Variants in PDE4D observed in about 807,000 individuals in gnomAD.
The protein encoded by PDE4D is phosphodiesterase 4D, also known as 3',5'-cyclic-AMP phosphodiesterase 4D.
PDE4D carries 24 observed loss-of-function variants against 87.4 expected under a neutral mutation model. The ratio of observed to expected loss-of-function variants is 0.27; its 90% CI spans 0.20 to 0.39. The LOEUF (loss-of-function observed/expected upper bound fraction) is 0.39. Ranked by LOEUF, PDE4D falls within the 10% of genes least tolerant of loss-of-function variation. PDE4D has a pLI of 1.00. For synonymous variants in PDE4D, 384 were observed against 383.2 expected (o/e 1.00, Z -0.02); for missense variants, 714 against 1,041.0 (o/e 0.69, Z 4.32).
At chr5:60,249,368 A>G (rs1160303841) in intron 1 of PDE4D, among the ~76,000 whole-genome samples, 1 of 152,078 alleles carries the variant, frequency 6.6e-6, no homozygotes, top group Non-Finnish European at 1.5e-5. Context: ...CATGACAGAA[A>G]CTCAGTTTTC....
At chr5:59,628,755 CTGTG>C (rs917250841) in intron 1 of PDE4D, among the ~76,000 whole-genome samples, 1 of 152,128 alleles carries the variant, frequency 6.6e-6, no homozygotes, top group African/African-American at 2.4e-5. Context: ...GGGCAAGGGA[CTGTG>C]TGTGCTAGGA....
intron 2 of PDE4D, among the ~76,000 whole-genome samples, chr5:60,008,037 C>T (rs16877199): frequency 6.6e-6 from 1 of 150,850 alleles, no homozygotes; most frequent in Non-Finnish European, 1.5e-5. Context: ...ATAAAATAGC[C>T]AGTCTCAAGT....
intron 2 of PDE4D, among the ~76,000 whole-genome samples, chr5:60,063,842 G>T (rs1335323094): frequency 1.3e-5 from 2 of 152,026 alleles, no homozygotes; most frequent in Admixed American, 6.6e-5. Context: ...AAGATTGAGG[G>T]TTTACAGAAG....
intron 5 of PDE4D, among the ~76,000 whole-genome samples, chr5:59,118,644 T>G (rs1215827953): frequency 1.3e-5 from 2 of 152,184 alleles, no homozygotes; most frequent in Non-Finnish European, 2.9e-5. Context: ...CTATGAGCAC[T>G]TTAAGTTTTG....
chr5:59,824,049 T>C (rs1415189000), intron 1 of PDE4D, among the ~76,000 whole-genome samples: 1 of 151,904 alleles, frequency 6.6e-6, no homozygotes, highest in Admixed American at 6.6e-5. Flanking sequence ...ATTTGTCAAG[T>C]AGTTCATTTT....
chr5:59,032,450 T>G (rs367959729), intron 6 of PDE4D, among the ~76,000 whole-genome samples: 2 of 152,004 alleles, frequency 1.3e-5, no homozygotes, highest in Admixed American at 1.3e-4. Context: ...CATGGTGGCA[T>G]GCGCCTGTAG....
chr5:59,232,798 G>C (rs1199697924), intron 1 of PDE4D, among the ~76,000 whole-genome samples: 1 of 144,562 alleles, frequency 6.9e-6, no homozygotes. Flanking sequence ...CAAACAAACC[G>C]ATAGAGAAAA....
chr5:59,793,543 A>G (rs1677057164), intron 1 of PDE4D, among the ~76,000 whole-genome samples: 1 of 152,238 alleles, frequency 6.6e-6, no homozygotes, highest in Non-Finnish European at 1.5e-5. Flanking sequence ...TCATAATAAT[A>G]TTGGTTTAGG....
chr5:59,248,500 G>A (rs1331217021), intron 1 of PDE4D, among the ~76,000 whole-genome samples: 1 of 151,916 alleles, frequency 6.6e-6, no homozygotes, highest in Admixed American at 6.6e-5. Flanking sequence ...TTATGCTACT[G>A]TAATTAAATA....
chr5:60,404,046 T>C (rs1255833092), intron 1 of PDE4D, among the ~76,000 whole-genome samples: 1 of 151,966 alleles, frequency 6.6e-6, no homozygotes, highest in Non-Finnish European at 1.5e-5. Context: ...GCGATTCTCC[T>C]CAGAAAGGAA....
At chr5:59,054,095 A>C (rs988894826) in intron 5 of PDE4D, among the ~76,000 whole-genome samples, 1 of 152,028 alleles carries the variant, frequency 6.6e-6, no homozygotes, top group African/African-American at 2.4e-5. Flanking sequence ...TTGTTTTTCA[A>C]ATTTGTTCTT....
chr5:59,275,224 G>T (rs1318973001), intron 1 of PDE4D: 6 of 800,010 alleles, frequency 7.5e-6, no homozygotes, highest in Non-Finnish European at 5.9e-6. Flanking sequence ...TAAAAGAGCC[G>T]CCAATACTGC....
rs1485975000 is a variant in PDE4D at position 60,257,244 on chromosome 5, GAAAGAA to G, written c.-89-71563_-89-71558del. 1.0e-4 allele frequency among the ~76,000 whole-genome samples: 13 copies of G among 128,204 alleles called. No homozygotes were observed. The South Asian group carries it at 3.2e-3, about 32-fold the overall frequency. The allele number at this position is 128,204 out of a possible 152,430, so 84.1% of individuals were successfully genotyped here. A position where few individuals can be genotyped will look rare whatever the true frequency, so the allele number is the denominator to read the frequency against. On this transcript the variant is annotated intron_variant, in intron 1 of 16. Coordinates refer to the PDE4D transcript ENST00000502484. ...AAAGAGAAAGAAAGAAAGAAAGAAAGAAAGAAAGAAAAGAAAAGAAAGAGAGAAAGA... is the reference window on the plus strand; with the variant it reads ...AAAGAGAAAGAAAGAAAGAAAGAAAGAGAAAAGAAAAGAAAGAGAGAAAGA...
At chr5:59,807,090 T>C (rs1767822368) in intron 1 of PDE4D, among the ~76,000 whole-genome samples, 1 of 152,084 alleles carries the variant, frequency 6.6e-6, no homozygotes, top group African/African-American at 2.4e-5. Context: ...AACGAGCCCC[T>C]TTCTGGCCAG....
chr5:60,144,395 C>T (rs1780819060), intron 2 of PDE4D, among the ~76,000 whole-genome samples: 1 of 152,162 alleles, frequency 6.6e-6, no homozygotes, highest in South Asian at 2.1e-4. Context: ...TTCTATTGCT[C>T]ATCATCGATA....
intron 1 of PDE4D, among the ~76,000 whole-genome samples, chr5:59,263,322 C>T (rs1762337667): frequency 6.6e-6 from 1 of 151,620 alleles, no homozygotes; most frequent in Non-Finnish European, 1.5e-5. Flanking sequence ...AGGAGAGGTA[C>T]GTGAGACAGA....
Position 59,221,550 on chromosome 5 carries a change from T to TGAAC in PDE4D, c.456-5586_456-5583dup, listed in dbSNP as rs763388347. On this transcript the variant is annotated intron_variant, in intron 1 of 14. Coordinates refer to ENST00000340635, the MANE Select transcript of PDE4D (RefSeq NM_001104631.2). Reference sequence around the variant, plus strand: ...CAGAGGTGGAGGCAGGAGGATCACCTGAACTAAGGAGGTCGAGGCTGAAGT... The same window carrying TGAAC: ...CAGAGGTGGAGGCAGGAGGATCACCTGAACGAACTAAGGAGGTCGAGGCTGAAGT... 2.6e-5 allele frequency among the ~76,000 whole-genome samples: 4 copies of TGAAC among 152,244 alleles called. No individual in the cohort carries two copies. In the South Asian group the frequency reaches 8.3e-4, roughly 32 times the overall value.
chr5:60,307,594 C>T (rs558936721), intron 1 of PDE4D, among the ~76,000 whole-genome samples: 90 of 152,124 alleles, frequency 5.9e-4, no homozygotes, highest in African/African-American at 2.1e-3. Flanking sequence ...CCATAGAACA[C>T]GCCAATGGAA....
chr5:59,447,153 C>T (rs2153638683), intron 1 of PDE4D, among the ~76,000 whole-genome samples: 1 of 152,254 alleles, frequency 6.6e-6, no homozygotes, highest in African/African-American at 2.4e-5. Flanking sequence ...TGTAGACTTT[C>T]GAGTTCATGA....
Sources: gnomAD v4.1 joint callset for allele counts (sites outside exome capture counted in the v4.1 genomes callset) on GRCh38, gnomAD v4.1.1 for gene constraint, MANE v1.5 for transcripts, NCBI Gene and HGNC (gene_info 2026-07-23, HGNC 2026-07-21) for gene names.